GARRE1: variants seen among roughly 807,000 people sequenced by gnomAD.
GARRE1 encodes the protein granule associated Rac and RHOG effector 1, also known as granule associated Rac and RHOG effector protein 1.
GARRE1 carries 49 observed loss-of-function variants against 103.2 expected under a neutral mutation model. The ratio of observed to expected loss-of-function variants is 0.47; its 90% confidence interval spans 0.38 to 0.60. The LOEUF (loss-of-function observed/expected upper bound fraction) is 0.60, where lower values mean the gene tolerates loss of function less well. GARRE1 is among the 20% of genes least tolerant of loss of function. The pLI, the probability that GARRE1 is intolerant of heterozygous loss-of-function variation, is 0.00. For missense variants in GARRE1, 1,199 were observed against 1,370.5 expected, an observed-to-expected ratio of 0.87 and a Z score of 1.98; for synonymous variants, 505 against 532.8, an observed-to-expected ratio of 0.95 and a Z score of 0.72.
At chr19:34,288,610 G>A (rs79752791) in intron 1 of GARRE1, among the ~76,000 whole-genome samples, 2,588 of 152,292 alleles carry the variant, frequency 0.017, 30 homozygotes, top group Non-Finnish European at 0.028. Flanking sequence ...TTGGTACCAC[G>A]CAACCACCTC....
intron 8 of GARRE1, among the ~76,000 whole-genome samples, chr19:34,335,213 T>C (rs1382281056): frequency 6.6e-6 from 1 of 152,216 alleles, no homozygotes; most frequent in Non-Finnish European, 1.5e-5. Flanking sequence ...GGCAATTTAG[T>C]ATATTAGAAG....
In GARRE1 at chr19:34,290,355, C is replaced by CA. The variant is rs965622685; in HGVS notation, c.-795-9314dup. Among the ~76,000 whole-genome samples the CA allele has an allele frequency of 2.5e-3, 364 of 145,070 alleles. 2 individuals are homozygous for CA. Among genetic ancestry groups the CA allele is most frequent in the Middle Eastern group, 0.021 (6 of 288 alleles). ...TGGGTGACAGAGCCAGACCCTGTCT[C>CA]AAAAAAAAAAGAAGAAAAGAAAATG... On this transcript the variant is annotated intron_variant, in intron 1 of 13. Coordinates refer to ENST00000299505, the MANE Select transcript of GARRE1 (RefSeq NM_014686.5).
intron 2 of GARRE1, among the ~76,000 whole-genome samples, chr19:34,308,339 A>G (rs2074020983): frequency 6.6e-6 from 1 of 150,476 alleles, no homozygotes; most frequent in Non-Finnish European, 1.5e-5. Flanking sequence ...ATATTTCCTA[A>G]TGGTATGTGC....
At position 34,300,446 on chromosome 19, in the gene GARRE1, C is replaced by A. The variant is rs777949055; in HGVS notation, c.-28C>A. ...AAGAATCAGAACCCTGACCCACTTA[C>A]GGTTGCTGGGACAATTCCCCCTCCC... On this transcript the variant is annotated 5_prime_UTR_variant, in exon 2 of 14. Coordinates refer to ENST00000299505, the MANE Select transcript of GARRE1 (RefSeq NM_014686.5). The A allele has an allele frequency of 6.6e-7, 1 of 1,524,254 alleles. No individual in the cohort carries two copies. The highest frequency in any genetic ancestry group is 1.4e-5 in the African/African-American group (1 of 72,208). The allele number at this position is 1,524,254 out of a possible 1,614,324, so 94.4% of individuals were successfully genotyped here. A position where few individuals can be genotyped will look rare whatever the true frequency, so the allele number is the denominator to read the frequency against.
chr19:34,348,012 C>A lies in GARRE1; in HGVS notation c.2657C>A (p.Thr886Asn). The change falls in exon 11 of 14, where the codon ACC (threonine) becomes AAC (asparagine). Residue 886 changes from threonine to asparagine, a missense_variant. Thr to Asn is a moderately conservative substitution (Grantham distance 65, BLOSUM62 0). Coordinates refer to ENST00000299505, the MANE Select transcript of GARRE1 (RefSeq NM_014686.5). ...NWPPMDDAHR[T>N]WPFPEFFTEG... ...CCGCCTATGGATGACGCGCATCGGA[C>A]CTGGCCCTTCCCCGAGTTCTTCACA... is the stretch of plus-strand genomic sequence containing the variant. 1 of 1,516,596 alleles carries A rather than the reference C, an allele frequency of 6.6e-7. No individual in the cohort carries two copies. Among genetic ancestry groups the A allele is most frequent in the Non-Finnish European group, 8.9e-7 (1 of 1,124,320 alleles). The allele number at this position is 1,516,596 out of a possible 1,614,324, so 93.9% of individuals were successfully genotyped here. A position where few individuals can be genotyped will look rare whatever the true frequency, so the allele number is the denominator to read the frequency against.
intron 2 of GARRE1, among the ~76,000 whole-genome samples, chr19:34,311,458 C>T (rs1000831515): frequency 2.0e-5 from 3 of 152,100 alleles, no homozygotes; most frequent in Admixed American, 6.6e-5. Context: ...CATTTATAAT[C>T]GTGAAGTCAC....
intron 1 of GARRE1, among the ~76,000 whole-genome samples, chr19:34,257,143 A>G (rs1240806056): frequency 7.2e-6 from 1 of 138,964 alleles, no homozygotes; most frequent in East Asian, 2.0e-4. Context: ...TGTTTGGAAG[A>G]CCATGTTTTA....
chr19:34,293,449 G>A (rs541089167), intron 1 of GARRE1, among the ~76,000 whole-genome samples: 1 of 150,720 alleles, frequency 6.6e-6, no homozygotes, highest in African/African-American at 2.4e-5. Context: ...AGGCTGGAGT[G>A]CAGTGGTGTG....
In GARRE1 at chr19:34,341,806, G is replaced by A; in HGVS notation, c.1872G>A (p.Glu624=). 6.2e-7 allele frequency: 1 copy of A among 1,614,174 alleles called. No individual in the cohort carries two copies. Among genetic ancestry groups the A allele is most frequent in the Non-Finnish European group, 8.5e-7 (1 of 1,180,036 alleles). ...VANGFLMERR[E]NFLHGDDGKD... ...ATGGCTTTCTCATGGAGAGGCGTGA[G>A]AACTTCCTGCATGGAGATGACGGCA... Residue 624 remains glutamate, a synonymous_variant, in exon 10 of 14, where the codon GAG becomes GAA. Transcript: ENST00000299505.
intron 3 of GARRE1, among the ~76,000 whole-genome samples, chr19:34,326,499 T>G (rs1254735743): frequency 2.0e-5 from 3 of 152,232 alleles, no homozygotes; most frequent in African/African-American, 7.2e-5. Context: ...AGAGATTAGT[T>G]TCTCCTTTTC....
intron 8 of GARRE1, among the ~76,000 whole-genome samples, chr19:34,335,285 T>C (rs1226550969): frequency 6.6e-6 from 1 of 152,208 alleles, no homozygotes; most frequent in Non-Finnish European, 1.5e-5. Context: ...TTTATCTTTG[T>C]GATATGTATT....
In GARRE1 at chr19:34,299,765, C is replaced by T. The variant is rs1023678169; in HGVS notation, c.-709C>T. 3 of 152,090 alleles carry T rather than the reference C, an allele frequency of 2.0e-5. No individual in the cohort carries two copies. Among genetic ancestry groups the T allele is most frequent in the Admixed American group, 2.0e-4 (3 of 15,256 alleles). The allele number at this position is 152,090 out of a possible 1,614,324, so 9.4% of individuals were successfully genotyped here. A position where few individuals can be genotyped will look rare whatever the true frequency, so the allele number is the denominator to read the frequency against. On this transcript the variant is annotated 5_prime_UTR_variant, in exon 2 of 14. Coordinates refer to ENST00000299505, the MANE Select transcript of GARRE1 (RefSeq NM_014686.5). Reference sequence around the variant, plus strand: ...GGGCCAGCCCAGTCTGGAAGCATCTCTTATTAATGTTACAAGGAAACCGCT... The same window carrying T: ...GGGCCAGCCCAGTCTGGAAGCATCTTTTATTAATGTTACAAGGAAACCGCT...
chr19:34,271,896 C>T (rs974231482), intron 1 of GARRE1, among the ~76,000 whole-genome samples: 23 of 152,064 alleles, frequency 1.5e-4, no homozygotes, highest in African/African-American at 5.6e-4. Context: ...GCTTCTTGTC[C>T]TCATAGAAGG....
At chr19:34,317,124 C>T (rs2074063563) in intron 2 of GARRE1, among the ~76,000 whole-genome samples, 3 of 152,220 alleles carry the variant, frequency 2.0e-5, no homozygotes, top group South Asian at 2.1e-4. Context: ...GGGTAGCTCT[C>T]CCTTTGCCCT....
At chr19:34,280,457 G>T (rs2073844997) in intron 1 of GARRE1, among the ~76,000 whole-genome samples, 1 of 152,006 alleles carries the variant, frequency 6.6e-6, no homozygotes, top group Non-Finnish European at 1.5e-5. Context: ...TATATATTCT[G>T]GATATTAATT....
Position 34,352,959 on chromosome 19 carries a change from C to T in GARRE1, c.*4C>T. ...AGCCTATCTGCCCCAGTACTGACCC[C>T]AGGCCAGCCAGCCTGCCTGCCTGCC... On this transcript the variant is annotated 3_prime_UTR_variant, in exon 14 of 14. Coordinates refer to ENST00000299505, the MANE Select transcript of GARRE1 (RefSeq NM_014686.5). The T allele has an allele frequency of 6.8e-7, 1 of 1,477,438 alleles. No individual in the cohort carries two copies. The highest frequency in any genetic ancestry group is 8.9e-7 in the Non-Finnish European group (1 of 1,119,844). 91.5% of individuals were successfully genotyped at this position (1,477,438 alleles called of 1,614,324 possible).
chr19:34,263,161 C>G (rs1014063829), intron 1 of GARRE1, among the ~76,000 whole-genome samples: 2 of 151,924 alleles, frequency 1.3e-5, no homozygotes, highest in Non-Finnish European at 2.9e-5. Context: ...TGCAGTGAGC[C>G]AAGATCGTGC....
rs1363335968 is a variant in GARRE1 at position 34,352,718 on chromosome 19, C to G, written c.2976C>G (p.Pro992=). 2 of 1,614,104 alleles carry G rather than the reference C, an allele frequency of 1.2e-6. No individual in the cohort carries two copies. The highest frequency in any genetic ancestry group is 1.7e-5 in the Admixed American group (1 of 60,020). Residue 992 remains proline (P), a synonymous_variant, in exon 14 of 14, where the codon CCC becomes CCG. Coordinates refer to ENST00000299505, the MANE Select transcript of GARRE1 (RefSeq NM_014686.5). ...CTTCCCCGCTTCCCAGCACGCTGCC[C>G]AGCCCCAGCGCACCACTCTATGCAG... ...QHPSPLPSTL[P]SPSAPLYAVT...
chr19:34,342,558 C>A (rs1352703391), intron 10 of GARRE1, 103 bp downstream of exon 10: 2 of 1,054,878 alleles, frequency 1.9e-6, no homozygotes, highest in Non-Finnish European at 2.8e-6. Context: ...AAGGTGAAAT[C>A]ATTTAATCCC....
Sources: gnomAD v4.1 joint callset for allele counts (sites outside exome capture counted in the v4.1 genomes callset) on GRCh38, gnomAD v4.1.1 for gene constraint, MANE v1.5 for transcripts, NCBI Gene and HGNC (gene_info 2026-07-23, HGNC 2026-07-21) for gene names.